Variants in ANKS1B observed in about 807,000 individuals in gnomAD.
ANKS1B encodes ankyrin repeat and sterile alpha motif domain containing 1B.
Under a neutral mutation model 148.3 loss-of-function variants are expected in ANKS1B, and 36 were observed. The ratio of observed to expected loss-of-function variants is 0.24; its 90% confidence interval spans 0.19 to 0.32. The LOEUF (loss-of-function observed/expected upper bound fraction) is 0.32, where lower values mean the gene tolerates loss of function less well. ANKS1B is among the 10% of genes least tolerant of loss of function. The pLI is 1.00. For missense variants in ANKS1B, 1,157 were observed against 1,542.6 expected, an observed-to-expected ratio of 0.75 and a Z score of 4.19; for synonymous variants, 542 against 560.8, an observed-to-expected ratio of 0.97 and a Z score of 0.47.
intron 14 of ANKS1B, among the ~76,000 whole-genome samples, chr12:99,183,677 G>A (rs1001906649): frequency 2.0e-5 from 3 of 152,020 alleles, no homozygotes; most frequent in Admixed American, 1.3e-4. Flanking sequence ...ACAAATCATT[G>A]GTCAAGGAAG....
chr12:98,891,021 T>G (rs2099751520), intron 17 of ANKS1B, among the ~76,000 whole-genome samples: 1 of 152,236 alleles, frequency 6.6e-6, no homozygotes, highest in African/African-American at 2.4e-5. Flanking sequence ...AATGTTCTTG[T>G]GGCTTATCCT....
At chr12:99,178,613 G>C (rs774721968) in intron 14 of ANKS1B, among the ~76,000 whole-genome samples, 7 of 152,070 alleles carry the variant, frequency 4.6e-5, no homozygotes, top group Non-Finnish European at 1.0e-4. Flanking sequence ...TGCAGGGAAT[G>C]TTTCCCCAAC....
intron 11 of ANKS1B, among the ~76,000 whole-genome samples, chr12:99,405,526 T>TA (rs144613516): frequency 0.011 from 1,642 of 145,082 alleles, 251 homozygotes; most frequent in African/African-American, 0.041. Context: ...AAATTCAAAT[T>TA]AAAAATCCTA....
intron 9 of ANKS1B, among the ~76,000 whole-genome samples, chr12:99,633,235 G>T (rs1462656310): frequency 6.6e-6 from 1 of 151,820 alleles, no homozygotes; most frequent in African/African-American, 2.4e-5. Flanking sequence ...GCATGTGTCT[G>T]TACTACAAGG....
At chr12:99,511,629 A>C (rs188369483) in intron 9 of ANKS1B, among the ~76,000 whole-genome samples, 23 of 152,114 alleles carry the variant, frequency 1.5e-4, no homozygotes, top group Non-Finnish European at 1.8e-4. Context: ...AAATGAAAAA[A>C]GTTGGAGGCA....
chr12:99,412,630 G>A (rs980031876), intron 11 of ANKS1B, among the ~76,000 whole-genome samples: 1 of 152,140 alleles, frequency 6.6e-6, no homozygotes, highest in Non-Finnish European at 1.5e-5. Context: ...GCCTCAGGTA[G>A]TAACTCTCCC....
intron 1 of ANKS1B, among the ~76,000 whole-genome samples, chr12:99,975,046 G>C (rs1475740033): frequency 6.6e-6 from 1 of 152,056 alleles, no homozygotes; most frequent in Non-Finnish European, 1.5e-5. Flanking sequence ...CAGCTACTTG[G>C]GGTCTAAGAC....
chr12:99,657,548 C>T (rs1221344081), intron 8 of ANKS1B, among the ~76,000 whole-genome samples: 1 of 151,528 alleles, frequency 6.6e-6, no homozygotes, highest in East Asian at 1.9e-4. Context: ...CTTCTCAAAT[C>T]AATAATAGAA....
At chr12:98,785,651 C>A (rs1361870871) in intron 22 of ANKS1B, among the ~76,000 whole-genome samples, 2 of 152,008 alleles carry the variant, frequency 1.3e-5, no homozygotes, top group African/African-American at 4.8e-5. Flanking sequence ...GTCCCTCCTT[C>A]CCCATTTTCT....
At chr12:99,879,277 G>GA (rs1201180643) in intron 1 of ANKS1B, among the ~76,000 whole-genome samples, 1 of 152,122 alleles carries the variant, frequency 6.6e-6, no homozygotes, top group African/African-American at 2.4e-5. Flanking sequence ...TACTGTTGTA[G>GA]AACTCAGCAC....
intron 12 of ANKS1B, among the ~76,000 whole-genome samples, chr12:99,251,204 A>T (rs1342021774): frequency 6.6e-6 from 1 of 152,208 alleles, no homozygotes; most frequent in Non-Finnish European, 1.5e-5. Context: ...GAAGTAAAAC[A>T]GTTAGAACAA....
At chr12:99,300,203 C>T (rs2081415311) in intron 12 of ANKS1B, among the ~76,000 whole-genome samples, 1 of 151,888 alleles carries the variant, frequency 6.6e-6, no homozygotes, top group Non-Finnish European at 1.5e-5. Flanking sequence ...TTAAAATCCC[C>T]AACGAATTAG....
intron 22 of ANKS1B, among the ~76,000 whole-genome samples, chr12:98,782,776 C>T (rs1365321132): frequency 6.6e-6 from 1 of 152,184 alleles, no homozygotes; most frequent in East Asian, 1.9e-4. Flanking sequence ...AGCTCTCTTG[C>T]TTTTTAACCA....
chr12:99,708,191 AAAGTTGATGAC>A (rs1273932685), intron 8 of ANKS1B, among the ~76,000 whole-genome samples: 10 of 152,172 alleles, frequency 6.6e-5, no homozygotes, highest in African/African-American at 2.4e-4. Flanking sequence ...ATTTTGTGAC[AAAGTTGATGAC>A]AAGGGGTTGG....
intron 12 of ANKS1B, among the ~76,000 whole-genome samples, chr12:99,325,857 A>T (rs1050359155): frequency 6.6e-6 from 1 of 152,058 alleles, no homozygotes; most frequent in African/African-American, 2.4e-5. Context: ...TTTTCATACT[A>T]CTATAAAGAA....
intron 9 of ANKS1B, among the ~76,000 whole-genome samples, chr12:99,540,700 A>T (rs1023595598): frequency 6.6e-6 from 1 of 152,096 alleles, no homozygotes; most frequent in African/African-American, 2.4e-5. Flanking sequence ...CCTATTTTTA[A>T]AAAGACATAA....
In ANKS1B at chr12:98,949,511, G is replaced by C. The variant is rs546499467; in HGVS notation, c.2778+103646C>G. Among the ~76,000 whole-genome samples, 155 of 152,240 alleles carry C rather than the reference G, an allele frequency of 1.0e-3. 2 individuals are homozygous for C. The highest frequency in any genetic ancestry group is 7.4e-4 in the Non-Finnish European group (50 of 68,016). On this transcript the variant is annotated intron_variant, in intron 17 of 26. Coordinates refer to ENST00000683438, the MANE Select transcript of ANKS1B (RefSeq NM_001352186.2). Reference sequence around the variant, plus strand: ...TTTGAGCTTGTTTTGAGCCTCATTGGTCCAAAGTGGCTCAATCTGACTGAG... The same window carrying C: ...TTTGAGCTTGTTTTGAGCCTCATTGCTCCAAAGTGGCTCAATCTGACTGAG...
At chr12:98,863,098 C>A (rs1464986121) in intron 17 of ANKS1B, among the ~76,000 whole-genome samples, 1 of 152,176 alleles carries the variant, frequency 6.6e-6, no homozygotes, top group Non-Finnish European at 1.5e-5. Context: ...ACTGGGATAC[C>A]TTTATCACAA....
intron 12 of ANKS1B, among the ~76,000 whole-genome samples, chr12:99,290,070 G>A (rs1266350521): frequency 2.0e-5 from 3 of 150,956 alleles, no homozygotes; most frequent in African/African-American, 7.3e-5. Context: ...ACAATCAGAG[G>A]TGAAAAAGGA....
Sources: allele counts gnomAD v4.1 joint callset (sites outside exome capture counted in the v4.1 genomes callset), GRCh38; gene constraint gnomAD v4.1.1; transcripts MANE v1.5; gene names NCBI Gene and HGNC (gene_info 2026-07-23, HGNC 2026-07-21).